The following NRIP1 variants were observed in gnomAD, a reference collection of about 807,000 sequenced individuals.
NRIP1 encodes nuclear receptor-interacting protein 1.
In NRIP1, 28 loss-of-function variants were observed where a neutral mutation model predicts 75.0. That is an observed-to-expected ratio of 0.37 (90% CI 0.28 to 0.51). NRIP1 has a LOEUF of 0.51. Ranked by LOEUF, NRIP1 falls within the 20% of genes least tolerant of loss-of-function variation. The pLI is 0.92. For missense variants in NRIP1, 1,435 were observed against 1,343.7 expected (o/e 1.07, Z -1.06); for synonymous variants, 526 against 487.6 (o/e 1.08, Z -1.04).
intron 2 of NRIP1, among the ~76,000 whole-genome samples, chr21:15,025,434 A>G (rs998807150): frequency 1.3e-5 from 2 of 152,204 alleles, no homozygotes; most frequent in African/African-American, 2.4e-5. Context: ...GGGCACCAAA[A>G]TAAGTTACAA....
Position 15,031,271 on chromosome 21 carries a change from GTATACACTC to G in NRIP1, c.-458+12215_-458+12223del, listed in dbSNP as rs1568993981. Among the ~76,000 whole-genome samples, 13 of 141,050 alleles carry G rather than the reference GTATACACTC, an allele frequency of 9.2e-5. No individual in the cohort carries two copies. The South Asian group carries it at 3.0e-3, about 32-fold the overall frequency. The allele number at this position is 141,050 out of a possible 152,430, so 92.5% of individuals were successfully genotyped here. On this transcript the variant is annotated intron_variant, in intron 2 of 3. Coordinates refer to ENST00000318948, the MANE Select transcript of NRIP1 (RefSeq NM_003489.4). ...GGTTCACCACATTCCCTTTCTATGT[GTATACACTC>G]TGGAAGGCGGTTGGAGGTTCACCAC...
chr21:15,065,216 C>T (rs78378540), upstream of NRIP1, among the ~76,000 whole-genome samples: 45 of 152,228 alleles, frequency 3.0e-4, no homozygotes, highest in East Asian at 8.8e-3. Flanking sequence ...GCTGCGGAAC[C>T]CCCTCTGTTT....
intron 1 of NRIP1, among the ~76,000 whole-genome samples, chr21:15,061,415 A>C (rs116558080): frequency 6.6e-6 from 1 of 152,318 alleles, no homozygotes; most frequent in African/African-American, 2.4e-5. Context: ...CAACTAAGGC[A>C]GTTTTTCATG....
chr21:14,983,061 A>G (rs1179631791), intron 3 of NRIP1, among the ~76,000 whole-genome samples: 1 of 152,140 alleles, frequency 6.6e-6, no homozygotes, highest in African/African-American at 2.4e-5. Flanking sequence ...AATTAGATCA[A>G]TTAATAACCC....
chr21:14,967,553 T>A lies in NRIP1; in HGVS notation c.640A>T (p.Arg214Trp). ...ACATGATGAGGAGACTCTGCAAACCTATCTCTGATGAGGTTTTTAGTCACA... is the reference window on the plus strand; with the variant it reads ...ACATGATGAGGAGACTCTGCAAACCAATCTCTGATGAGGTTTTTAGTCACA... ...PDVTKNLIRD[R>W]FAESPHHVGQ... Residue 214 changes from arginine to tryptophan, a missense_variant, in exon 4 of 4, where the codon AGG becomes TGG. Arg to Trp is a moderately radical substitution (Grantham distance 101). Transcript: ENST00000318948. The A allele has an allele frequency of 5.0e-6, 8 of 1,614,190 alleles. No homozygotes were observed. The highest frequency in any genetic ancestry group is 6.8e-6 in the Non-Finnish European group (8 of 1,180,030).
At chr21:15,009,518 G>C (rs1192518936) in intron 3 of NRIP1, among the ~76,000 whole-genome samples, 1 of 152,178 alleles carries the variant, frequency 6.6e-6, no homozygotes, top group Non-Finnish European at 1.5e-5. Context: ...GTAAGGCAGG[G>C]AACACCATTT....
At chr21:15,041,377 A>C (rs1447479657) in intron 2 of NRIP1, among the ~76,000 whole-genome samples, 1 of 152,114 alleles carries the variant, frequency 6.6e-6, no homozygotes, top group East Asian at 1.9e-4. Context: ...AGCCTTCTGG[A>C]GTAGGGTGCT....
At chr21:15,009,695 A>G (rs1327718697) in intron 3 of NRIP1, among the ~76,000 whole-genome samples, 1 of 152,196 alleles carries the variant, frequency 6.6e-6, no homozygotes, top group African/African-American at 2.4e-5. Flanking sequence ...TTAAGTAATC[A>G]CCTCCAAGAA....
At chr21:15,040,884 T>G (rs2088937651) in intron 2 of NRIP1, among the ~76,000 whole-genome samples, 1 of 152,108 alleles carries the variant, frequency 6.6e-6, no homozygotes, top group Non-Finnish European at 1.5e-5. Context: ...TTATAAAACC[T>G]ACCATTAACA....
At chr21:15,062,957 C>T (rs1016583316) in intron 1 of NRIP1, among the ~76,000 whole-genome samples, 3 of 151,944 alleles carry the variant, frequency 2.0e-5, no homozygotes, top group African/African-American at 7.2e-5. Context: ...ACTAACTTCC[C>T]ACAGGCATTA....
At position 14,964,713 on chromosome 21, in the gene NRIP1, A is replaced by G; in HGVS notation, c.*3T>C. On this transcript the variant is annotated 3_prime_UTR_variant, in exon 4 of 4. Coordinates refer to ENST00000318948, the MANE Select transcript of NRIP1 (RefSeq NM_003489.4). Reference sequence around the variant, plus strand: ...AGATCCAAAACTGGATGGCAGGTACATTTTATTCTGATTCTTTCTTTATCG... The same window carrying G: ...AGATCCAAAACTGGATGGCAGGTACGTTTTATTCTGATTCTTTCTTTATCG... The G allele has an allele frequency of 6.5e-7, 1 of 1,530,196 alleles. No homozygotes were observed. The highest frequency in any genetic ancestry group is 8.7e-7 in the Non-Finnish European group (1 of 1,144,534). The allele number at this position is 1,530,196 out of a possible 1,614,324, so 94.8% of individuals were successfully genotyped here.
chr21:14,972,800 G>A (rs2086938167), intron 3 of NRIP1, among the ~76,000 whole-genome samples: 1 of 152,118 alleles, frequency 6.6e-6, no homozygotes, highest in African/African-American at 2.4e-5. Flanking sequence ...AAACAGTGGG[G>A]AACCTAGATC....
Position 14,965,168 on chromosome 21 carries a change from G to T in NRIP1, c.3025C>A (p.Pro1009Thr), listed in dbSNP as rs1358255264. Residue 1009 changes from proline (P) to threonine (T), a missense_variant, in exon 4 of 4, where the codon CCT (proline) becomes ACT (threonine). Coordinates refer to ENST00000318948, the MANE Select transcript of NRIP1 (RefSeq NM_003489.4). The stretch of plus-strand genomic sequence containing the variant: ...TGCTCAGGGAAAGTAGGACTCACAG[G>T]AGTTTTTACTACACCTGGGTATGAA... Reference protein sequence around the residue: ...TFSYPGVVKTPVSPTFPEHLG... With the variant: ...TFSYPGVVKTTVSPTFPEHLG... The T allele has an allele frequency of 6.2e-7, 1 of 1,613,240 alleles. No individual in the cohort carries two copies. Among genetic ancestry groups the T allele is most frequent in the South Asian group, 1.1e-5 (1 of 91,076 alleles).
chr21:15,062,740 C>A (rs775286450), intron 1 of NRIP1, among the ~76,000 whole-genome samples: 2 of 151,960 alleles, frequency 1.3e-5, no homozygotes, highest in Admixed American at 6.5e-5. Context: ...GAGCAATAAA[C>A]TAACAAACAG....
At chr21:15,027,234 C>T (rs904508154) in intron 2 of NRIP1, among the ~76,000 whole-genome samples, 1 of 152,156 alleles carries the variant, frequency 6.6e-6, no homozygotes, top group African/African-American at 2.4e-5. Flanking sequence ...AACATATCGA[C>T]AGATTCAGCT....
intron 2 of NRIP1, among the ~76,000 whole-genome samples, chr21:15,037,114 T>C (rs1406907414): frequency 6.6e-6 from 1 of 152,146 alleles, no homozygotes; most frequent in Admixed American, 6.5e-5. Context: ...GTAAGGAACA[T>C]TAAAAGAGCA....
At chr21:15,048,815 C>T (rs577126291) in intron 1 of NRIP1, among the ~76,000 whole-genome samples, 2 of 152,096 alleles carry the variant, frequency 1.3e-5, no homozygotes, top group Non-Finnish European at 2.9e-5. Flanking sequence ...TCACAGAATA[C>T]AAAAAAGTAG....
intron 1 of NRIP1, among the ~76,000 whole-genome samples, chr21:15,060,238 T>C (rs2089395682): frequency 6.6e-6 from 1 of 152,186 alleles, no homozygotes; most frequent in African/African-American, 2.4e-5. Flanking sequence ...AGTTCTGTTT[T>C]AAATAAACTC....
intron 3 of NRIP1, among the ~76,000 whole-genome samples, chr21:15,010,624 G>T (rs2088079864): frequency 6.6e-6 from 1 of 152,162 alleles, no homozygotes; most frequent in Non-Finnish European, 1.5e-5. Flanking sequence ...ATTAAGGAAG[G>T]TCTATTACTT....
Sources: allele counts gnomAD v4.1 joint callset (sites outside exome capture counted in the v4.1 genomes callset), GRCh38; gene constraint gnomAD v4.1.1; transcripts MANE v1.5; gene names NCBI Gene and HGNC (gene_info 2026-07-23, HGNC 2026-07-21).